Variants in LHFPL2 observed in about 807,000 individuals in gnomAD.
The protein encoded by LHFPL2 is LHFPL tetraspan subfamily member 2 protein.
LHFPL2 carries 7 observed loss-of-function variants against 17.5 expected under a neutral mutation model. The observed-to-expected ratio is 0.40, with a 90% CI of 0.23 to 0.75. The LOEUF (loss-of-function observed/expected upper bound fraction) is 0.75. Among genes scored for constraint, LHFPL2 ranks in the 30% least tolerant of loss-of-function variants. The pLI is 0.37. For synonymous variants in LHFPL2, 134 were observed against 116.2 expected, an observed-to-expected ratio of 1.15 and a Z score of -0.99; for missense variants, 241 against 294.8, an observed-to-expected ratio of 0.82 and a Z score of 1.34.
intron 2 of LHFPL2, among the ~76,000 whole-genome samples, chr5:78,611,163 A>G (rs1262384502): frequency 6.6e-6 from 1 of 152,382 alleles, no homozygotes; most frequent in African/African-American, 2.4e-5. Context: ...GCAAGGGCTA[A>G]GAGTCCTTGC....
chr5:78,638,227 C>T (rs937925967), intron 1 of LHFPL2, among the ~76,000 whole-genome samples: 6 of 152,022 alleles, frequency 3.9e-5, no homozygotes, highest in South Asian at 2.1e-4. Context: ...TGGTAGCAGG[C>T]GCCTGTAGTC....
At position 78,527,264 on chromosome 5, in the gene LHFPL2, C is replaced by T. The variant is rs528041059; in HGVS notation, c.-185-16866G>A. ...AACGCCTTGGAGACAGGAAAACAAA[C>T]GAACCCAGTTACTATGTTTTTAACT... On this transcript the variant is annotated intron_variant, in intron 3 of 4. Transcript: ENST00000380345. Among the ~76,000 whole-genome samples the T allele has an allele frequency of 4.0e-5, 6 of 151,628 alleles. No individual in the cohort carries two copies. The South Asian group carries it at 6.2e-4, about 16-fold the overall frequency.
chr5:78,571,723 A>G (rs1757004833), intron 2 of LHFPL2, among the ~76,000 whole-genome samples: 1 of 152,174 alleles, frequency 6.6e-6, no homozygotes, highest in Non-Finnish European at 1.5e-5. Flanking sequence ...CTAAAAGTGC[A>G]ACACACCCCT....
At chr5:78,549,693 T>C (rs892124482) in intron 3 of LHFPL2, among the ~76,000 whole-genome samples, 1 of 152,204 alleles carries the variant, frequency 6.6e-6, no homozygotes, top group Non-Finnish European at 1.5e-5. Context: ...TGTAACACGA[T>C]TTTGGAAAGT....
Position 78,580,863 on chromosome 5 carries a change from G to T in LHFPL2, c.-244-15992C>A, listed in dbSNP as rs566601480. Among the ~76,000 whole-genome samples the T allele has an allele frequency of 7.1e-3, 1,079 of 152,236 alleles. 5 individuals are homozygous for T. The highest frequency in any genetic ancestry group is 0.012 in the Non-Finnish European group (821 of 67,996). ...TTGGTTCCATATGAACTTTAAAGTA[G>T]TTTTTTCCAATTCTGTGAAGAAAGT... On this transcript the variant is annotated intron_variant, in intron 2 of 4. Coordinates refer to ENST00000380345, the MANE Select transcript of LHFPL2 (RefSeq NM_005779.3).
chr5:78,527,129 G>C (rs565678882), intron 3 of LHFPL2, among the ~76,000 whole-genome samples: 1 of 152,138 alleles, frequency 6.6e-6, no homozygotes, highest in African/African-American at 2.4e-5. Context: ...CCAGTTCCCC[G>C]GCCAGCATTT....
chr5:78,529,465 C>T (rs7719784), intron 3 of LHFPL2, among the ~76,000 whole-genome samples: 1,903 of 152,296 alleles, frequency 0.012, 40 homozygotes, highest in African/African-American at 0.042. Context: ...CATGAAGCCA[C>T]ACATTGCCCC....
chr5:78,515,693 CCCAA>C (rs1316918319), intron 3 of LHFPL2, among the ~76,000 whole-genome samples: 4 of 152,222 alleles, frequency 2.6e-5, no homozygotes, highest in East Asian at 1.9e-4. Flanking sequence ...ATTCCTGGTC[CCCAA>C]CCAACCACTG....
chr5:78,495,511 G>A (rs947198506), intron 4 of LHFPL2, among the ~76,000 whole-genome samples: 2 of 152,130 alleles, frequency 1.3e-5, no homozygotes, highest in African/African-American at 4.8e-5. Flanking sequence ...CCGTCACACA[G>A]GCTTCCAGAC....
intron 3 of LHFPL2, among the ~76,000 whole-genome samples, chr5:78,561,601 G>A (rs142396315): frequency 2.6e-5 from 4 of 152,236 alleles, no homozygotes; most frequent in Non-Finnish European, 4.4e-5. Context: ...AACAAGACAC[G>A]GTTCAAACAT....
At chr5:78,576,388 G>A (rs772190314) in intron 2 of LHFPL2, among the ~76,000 whole-genome samples, 11 of 151,998 alleles carry the variant, frequency 7.2e-5, no homozygotes, top group Non-Finnish European at 1.5e-4. Flanking sequence ...AAATAAATAC[G>A]TAAAGGTAAG....
chr5:78,561,856 T>TTATAA, intron 3 of LHFPL2, among the ~76,000 whole-genome samples: 1 of 152,160 alleles, frequency 6.6e-6, no homozygotes, highest in South Asian at 2.1e-4. Context: ...AGGGATTTAA[T>TTATAA]CCCAGAGAGT....
chr5:78,529,872 A>G (rs928744175), intron 3 of LHFPL2, among the ~76,000 whole-genome samples: 32 of 152,254 alleles, frequency 2.1e-4, no homozygotes, highest in Non-Finnish European at 4.4e-5. Context: ...TGCAAAAATC[A>G]GGCTCATGAA....
At chr5:78,619,668 C>A in intron 2 of LHFPL2, among the ~76,000 whole-genome samples, 1 of 119,362 alleles carries the variant, frequency 8.4e-6, no homozygotes, top group East Asian at 2.7e-4. Context: ...CACCCCACAA[C>A]AGGCCCCAGA....
Position 78,633,305 on chromosome 5 carries a change from T to C in LHFPL2, c.-349-937A>G, listed in dbSNP as rs571285626. 4.6e-5 allele frequency among the ~76,000 whole-genome samples: 7 copies of C among 152,346 alleles called. No individual in the cohort carries two copies. In the East Asian group the frequency reaches 1.3e-3, roughly 29 times the overall value. The stretch of plus-strand genomic sequence containing the variant: ...TTCTGAAGCCCAGGTTCCTCCAGCA[T>C]GAGGTGGTTCCTGCCAGGCAGACAC... On this transcript the variant is annotated intron_variant, in intron 1 of 4. Coordinates refer to ENST00000380345, the MANE Select transcript of LHFPL2 (RefSeq NM_005779.3).
chr5:78,540,835 C>T (rs1342251325), intron 3 of LHFPL2, among the ~76,000 whole-genome samples: 7 of 152,156 alleles, frequency 4.6e-5, no homozygotes, highest in South Asian at 2.1e-4. Flanking sequence ...TGAAAACAGC[C>T]CTGCTGAGCA....
intron 2 of LHFPL2, among the ~76,000 whole-genome samples, chr5:78,607,311 C>T (rs1744252826): frequency 6.6e-6 from 1 of 151,910 alleles, no homozygotes; most frequent in South Asian, 2.1e-4. Context: ...CGGGGTTTCA[C>T]CATGTTGGCC....
chr5:78,568,140 G>A (rs1175485054), intron 2 of LHFPL2, among the ~76,000 whole-genome samples: 1 of 152,110 alleles, frequency 6.6e-6, no homozygotes, highest in African/African-American at 2.4e-5. Context: ...ATGCAAATAT[G>A]GGTTTTTATT....
chr5:78,599,135 G>C (rs908802284), intron 2 of LHFPL2, among the ~76,000 whole-genome samples: 1 of 152,062 alleles, frequency 6.6e-6, no homozygotes, highest in Non-Finnish European at 1.5e-5. Flanking sequence ...TGGCTCAGCC[G>C]TACTGTTTTA....
Sources: gnomAD v4.1 joint callset for allele counts (sites outside exome capture counted in the v4.1 genomes callset) on GRCh38, gnomAD v4.1.1 for gene constraint, MANE v1.5 for transcripts, NCBI Gene and HGNC (gene_info 2026-07-23, HGNC 2026-07-21) for gene names.